The following USP6NL variants were observed in gnomAD, a reference collection of about 807,000 sequenced individuals.
USP6NL encodes the protein USP6 N-terminal like.
In USP6NL, 26 loss-of-function variants were observed where a neutral mutation model predicts 61.9. The observed-to-expected ratio is 0.42, with a 90% CI of 0.31 to 0.58. The LOEUF (loss-of-function observed/expected upper bound fraction) is 0.58, where lower values mean the gene tolerates loss of function less well. USP6NL is among the 20% of genes least tolerant of loss of function. USP6NL has a pLI of 0.16. For missense variants in USP6NL, 1,114 were observed against 1,034.3 expected, an observed-to-expected ratio of 1.08 and a Z score of -1.06; for synonymous variants, 432 against 390.1, an observed-to-expected ratio of 1.11 and a Z score of -1.27.
chr10:11,573,851 CA>C (rs1837446391), intron 2 of USP6NL: 1 of 390,588 alleles, frequency 2.6e-6, no homozygotes, highest in Non-Finnish European at 4.5e-6. Flanking sequence ...TAATAAGAAA[CA>C]ACGAAAGGAT....
intron 14 of USP6NL, among the ~76,000 whole-genome samples, chr10:11,464,330 A>T (rs961045482): frequency 1.3e-5 from 2 of 152,214 alleles, no homozygotes; most frequent in Admixed American, 1.3e-4. Flanking sequence ...GGTACTACTG[A>T]ATGATGTGAC....
At chr10:11,506,598 A>G (rs1199030600) in intron 6 of USP6NL, among the ~76,000 whole-genome samples, 1 of 151,986 alleles carries the variant, frequency 6.6e-6, no homozygotes, top group Non-Finnish European at 1.5e-5. Flanking sequence ...GCAGAGAACT[A>G]TAATTGCGCA....
rs1284062905 is a variant in USP6NL, at chr10:11,470,256, G to A, written c.1079-6407C>T. Among the ~76,000 whole-genome samples the A allele has an allele frequency of 1.3e-5, 2 of 152,140 alleles. No homozygotes were observed. The highest frequency in any genetic ancestry group is 2.4e-5 in the African/African-American group (1 of 41,406). On this transcript the variant is annotated intron_variant, in intron 14 of 14. Coordinates refer to ENST00000609104, the MANE Select transcript of USP6NL (RefSeq NM_014688.5). The surrounding 1 kb of genome is among the most constrained non-coding windows in gnomAD (Gnocchi z 5.4). ...GAGAAGGTGGAGGATGGAGGCAGCC[G>A]CAGGGAACCTCATGGAGGGCCCGCG...
Position 11,600,480 on chromosome 10 carries a change from T to G in USP6NL, c.-83-2763A>C, listed in dbSNP as rs1225836952. On this transcript the variant is annotated intron_variant, in intron 1 of 14. Transcript: ENST00000609104. The surrounding 1 kb of genome is among the most constrained non-coding windows in gnomAD (Gnocchi z 4.1). ...GTGAGCTAGAAAGAAACGTCTGGTG[T>G]TGTGCACTGAAAGTTTGCAGTCGTT... 6.6e-6 allele frequency among the ~76,000 whole-genome samples: 1 copy of G among 152,190 alleles called. No homozygotes were observed. The highest frequency in any genetic ancestry group is 1.5e-5 in the Non-Finnish European group (1 of 68,038).
rs1256572538 is a variant in USP6NL at position 11,587,274 on chromosome 10, C to CAAA, written c.4+10354_4+10356dup. Among the ~76,000 whole-genome samples, 8 of 152,272 alleles carry CAAA rather than the reference C, an allele frequency of 5.3e-5. No homozygotes were observed. The highest frequency in any genetic ancestry group is 7.4e-5 in the Non-Finnish European group (5 of 68,014). ...AAAACTTGTTTTAAAATCGAAGATT[C>CAAA]AAACACCATGACCCCTAAAATATTT... On this transcript the variant is annotated intron_variant, in intron 2 of 14. Coordinates refer to ENST00000609104, the MANE Select transcript of USP6NL (RefSeq NM_014688.5). The surrounding 1 kb of genome is among the most constrained non-coding windows in gnomAD (Gnocchi z 4.5).
At chr10:11,565,552 G>C (rs1439951232) in intron 2 of USP6NL, 1 of 152,032 alleles carries the variant, frequency 6.6e-6, no homozygotes, top group Non-Finnish European at 1.5e-5. Flanking sequence ...TGAGGCAGGA[G>C]AATGGTGTCA....
rs907062753 is a variant in USP6NL, at chr10:11,578,212, G to A, written c.4+19419C>T. Among the ~76,000 whole-genome samples, 12 of 151,812 alleles carry A rather than the reference G, an allele frequency of 7.9e-5. No individual in the cohort carries two copies. In the East Asian group the frequency reaches 9.7e-4, roughly 12 times the overall value. ...TGGAACTCCTGAGCTCAAGCAATCCGCCCGCCTCAGCCTCCCAAAGAGCTG... is the reference window on the plus strand; with the variant it reads ...TGGAACTCCTGAGCTCAAGCAATCCACCCGCCTCAGCCTCCCAAAGAGCTG... On this transcript the variant is annotated intron_variant, in intron 2 of 14. Coordinates refer to ENST00000609104, the MANE Select transcript of USP6NL (RefSeq NM_014688.5).
At position 11,468,540 on chromosome 10, in the gene USP6NL, T is replaced by C. The variant is rs1832578355; in HGVS notation, c.1079-4691A>G. On this transcript the variant is annotated intron_variant, in intron 14 of 14. Coordinates refer to ENST00000609104, the MANE Select transcript of USP6NL (RefSeq NM_014688.5). The surrounding 1 kb of genome is among the most constrained non-coding windows in gnomAD (Gnocchi z 4.5). ...ATACACAGAGGCCCTTGGCTGGCGT[T>C]AGTTACAAGGACAGGGTAGGGAAGA... Among the ~76,000 whole-genome samples the C allele has an allele frequency of 6.6e-6, 1 of 152,182 alleles. No individual in the cohort carries two copies. The highest frequency in any genetic ancestry group is 1.5e-5 in the Non-Finnish European group (1 of 68,032).
chr10:11,462,110 T>G lies in USP6NL; in HGVS notation c.*331A>C. ...CAGTACTTTGTAACATTAGTCAAAA[T>G]AGAATGAGCCAACAGAGTAAAAATG... On this transcript the variant is annotated 3_prime_UTR_variant, in exon 15 of 15. Coordinates refer to ENST00000609104, the MANE Select transcript of USP6NL (RefSeq NM_014688.5). 1 of 261,344 alleles carries G rather than the reference T, an allele frequency of 3.8e-6. No individual in the cohort carries two copies. The highest frequency in any genetic ancestry group is 7.3e-6 in the Non-Finnish European group (1 of 137,806). The allele number at this position is 261,344 out of a possible 1,614,324, so 16.2% of individuals were successfully genotyped here. A position where few individuals can be genotyped will look rare whatever the true frequency, so the allele number is the denominator to read the frequency against.
In USP6NL at chr10:11,462,816, G is replaced by A. The variant is rs1162882156; in HGVS notation, c.2112C>T (p.Asp704=). ...PSSRIEVLPV[D]TGAGGYSGNS... ...TGCCCGAATATCCCCCAGCACCAGT[G>A]TCAACAGGGAGGACTTCTATTCGAC... The change falls in exon 15 of 15, where the codon GAC becomes GAT. Residue 704 remains aspartate, a synonymous_variant. Coordinates refer to ENST00000609104, the MANE Select transcript of USP6NL (RefSeq NM_014688.5). The A allele has an allele frequency of 1.9e-6, 3 of 1,614,000 alleles. No homozygotes were observed. In the South Asian group the frequency reaches 3.3e-5, roughly 18 times the overall value.
intron 2 of USP6NL, among the ~76,000 whole-genome samples, chr10:11,555,800 G>A (rs1017049344): frequency 2.0e-5 from 3 of 152,108 alleles, no homozygotes; most frequent in African/African-American, 7.2e-5. Flanking sequence ...GCAGCAATAA[G>A]ATCAACTGCA....
chr10:11,550,609 A>T (rs1026773012), intron 2 of USP6NL, among the ~76,000 whole-genome samples: 2 of 152,020 alleles, frequency 1.3e-5, no homozygotes, highest in African/African-American at 4.8e-5. Context: ...TACAAAAATT[A>T]GCCGGGCGTG....
chr10:11,527,613 C>T (rs1284318479), intron 2 of USP6NL, 46 bp from the exon 3 acceptor site: 4 of 1,514,986 alleles, frequency 2.6e-6, no homozygotes, highest in South Asian at 2.4e-5. Context: ...TTGAAAGAAT[C>T]GTAAAGTTAA....
chr10:11,568,184 C>T (rs557633686), intron 2 of USP6NL, among the ~76,000 whole-genome samples: 4 of 151,492 alleles, frequency 2.6e-5, no homozygotes, highest in East Asian at 1.9e-4. Context: ...TGCGCGCGCG[C>T]GTGCTTGTAT....
chr10:11,555,451 T>A (rs4747919), intron 2 of USP6NL, among the ~76,000 whole-genome samples: 1 of 60,998 alleles, frequency 1.6e-5, no homozygotes. Context: ...TATATATATA[T>A]AGAGAGAGAG....
At chr10:11,594,532 C>G (rs539831029) in intron 2 of USP6NL, among the ~76,000 whole-genome samples, 15 of 152,174 alleles carry the variant, frequency 9.9e-5, no homozygotes, top group Admixed American at 2.0e-4. Context: ...ACCTGGACCC[C>G]AATTTCGTCT....
Position 11,476,461 on chromosome 10 carries a change from TTTCACAA to T in USP6NL, c.1078+5302_1078+5308del, listed in dbSNP as rs1420543641. Among the ~76,000 whole-genome samples the T allele has an allele frequency of 6.6e-6, 1 of 152,098 alleles. No individual in the cohort carries two copies. The highest frequency in any genetic ancestry group is 6.5e-5 in the Admixed American group (1 of 15,280). ...CTTACTTCTGAATATGTTTGAAAAG[TTTCACAA>T]TAAAAAAGTTTCAAAAAATGTTTCA... On this transcript the variant is annotated intron_variant, in intron 14 of 14. Transcript: ENST00000609104. This position sits in a 1 kb window ranked among gnomAD's most constrained non-coding sequence, Gnocchi z 4.3.
In USP6NL at chr10:11,468,005, C is replaced by G. The variant is rs761408033; in HGVS notation, c.1079-4156G>C. Among the ~76,000 whole-genome samples, 3 of 152,166 alleles carry G rather than the reference C, an allele frequency of 2.0e-5. No homozygotes were observed. Among genetic ancestry groups the G allele is most frequent in the African/African-American group, 4.8e-5 (2 of 41,444 alleles). On this transcript the variant is annotated intron_variant, in intron 14 of 14. Transcript: ENST00000609104. This position sits in a 1 kb window ranked among gnomAD's most constrained non-coding sequence, Gnocchi z 4.5. ...CCAGACACTTTACTTTTGTTGATGG[C>G]ATTCTTCCAATTCATTAAATGAGCA...
rs1359761928 is a variant in USP6NL at position 11,571,393 on chromosome 10, T to A, written c.4+26238A>T. Among the ~76,000 whole-genome samples, 4 of 152,250 alleles carry A rather than the reference T, an allele frequency of 2.6e-5. No homozygotes were observed. In the South Asian group the frequency reaches 8.3e-4, roughly 32 times the overall value. ...AAGCCACCGCGCCCAGCCCCCAAAATAATTTTTAACCATATCCTTGACTCT... is the reference window on the plus strand; with the variant it reads ...AAGCCACCGCGCCCAGCCCCCAAAAAAATTTTTAACCATATCCTTGACTCT... On this transcript the variant is annotated intron_variant, in intron 2 of 14. Transcript: ENST00000609104.
Sources: gnomAD v4.1 joint callset for allele counts (sites outside exome capture counted in the v4.1 genomes callset) on GRCh38, gnomAD v4.1.1 for gene constraint, Gnocchi (gnomAD v3.1) non-coding constraint, MANE v1.5 for transcripts, NCBI Gene and HGNC (gene_info 2026-07-23, HGNC 2026-07-21) for gene names.